The following STPG2 variants were observed in gnomAD, a reference collection of about 807,000 sequenced individuals.
STPG2 encodes sperm tail PG-rich repeat containing 2.
In STPG2, 56 loss-of-function variants were observed where a neutral mutation model predicts 54.2. That is an observed-to-expected ratio of 1.03 (90% confidence interval 0.83 to 1.29). The LOEUF is 1.29. STPG2 is among the 50% of genes most tolerant of loss of function. The pLI is 0.00. For missense variants in STPG2, 596 were observed against 544.9 expected (o/e 1.09, Z -0.93); for synonymous variants, 200 against 181.8 (o/e 1.10, Z -0.81).
chr4:97,660,913 T>C (rs1472698460), intron 10 of STPG2, among the ~76,000 whole-genome samples: 1 of 152,190 alleles, frequency 6.6e-6, no homozygotes, highest in Non-Finnish European at 1.5e-5. Context: ...TTAGCTATAT[T>C]CTAGCTAGTA....
At chr4:97,679,651 T>G (rs1413062002) in intron 10 of STPG2, among the ~76,000 whole-genome samples, 1 of 152,218 alleles carries the variant, frequency 6.6e-6, no homozygotes, top group Non-Finnish European at 1.5e-5. Context: ...TTTGTCAATT[T>G]TGGCTTTTGT....
intron 10 of STPG2, among the ~76,000 whole-genome samples, chr4:97,650,194 C>T (rs1722025426): frequency 6.6e-6 from 1 of 152,178 alleles, no homozygotes; most frequent in Admixed American, 6.5e-5. Context: ...GCTTTGCTCA[C>T]TTGCCTGCCA....
intron 8 of STPG2, among the ~76,000 whole-genome samples, chr4:97,933,870 G>T (rs1269798236): frequency 6.6e-6 from 1 of 151,986 alleles, no homozygotes; most frequent in African/African-American, 2.4e-5. Context: ...TCAATATGAA[G>T]TTTAAAGTAG....
At chr4:97,895,462 C>A (rs1290536127) in intron 8 of STPG2, among the ~76,000 whole-genome samples, 1 of 151,728 alleles carries the variant, frequency 6.6e-6, no homozygotes, top group Non-Finnish European at 1.5e-5. Flanking sequence ...CAAAATAAGT[C>A]CTTTTATAAA....
At chr4:97,991,457 GTGTA>G (rs1445591048) in intron 5 of STPG2, among the ~76,000 whole-genome samples, 19 of 142,244 alleles carry the variant, frequency 1.3e-4, no homozygotes, top group Middle Eastern at 3.3e-3. Flanking sequence ...GTGTGTGTGT[GTGTA>G]TATATATATA....
In STPG2 at chr4:97,571,355, T is replaced by C. The variant is rs1732595337; in HGVS notation, c.1321-12238A>G. Among the ~76,000 whole-genome samples the C allele has an allele frequency of 3.3e-5, 5 of 152,104 alleles. No homozygotes were observed. In the East Asian group the frequency reaches 9.7e-4, roughly 29 times the overall value. On this transcript the variant is annotated intron_variant, in intron 10 of 10. Transcript: ENST00000295268. ...CCTGACAGCCAGGGCTCTTAAAATT[T>C]AACCCAAGAGACTGTTTCAGGCCAT...
At chr4:97,445,819 A>T (rs1355749799) in intron 4 of STPG2, among the ~76,000 whole-genome samples, 1 of 152,222 alleles carries the variant, frequency 6.6e-6, no homozygotes, top group Non-Finnish European at 1.5e-5. Context: ...TCTGTTTAGA[A>T]TCTAGTTCCC....
Position 97,511,080 on chromosome 4 carries a change from A to C in STPG2, c.462+201619T>G, listed in dbSNP as rs147393857. On this transcript the variant is annotated intron_variant, in intron 4 of 4. Transcript: ENST00000522676. ...TGCCAAAGTACATGGAAGAAATAGA[A>C]AATGTATAGTAAGATTTAAACACAA... is the stretch of plus-strand genomic sequence containing the variant. Among the ~76,000 whole-genome samples, 29 of 152,266 alleles carry C rather than the reference A, an allele frequency of 1.9e-4. 1 individual carries two copies. In the East Asian group the frequency reaches 5.2e-3, roughly 27 times the overall value.
chr4:97,745,238 T>C (rs1231115844), intron 9 of STPG2, among the ~76,000 whole-genome samples: 1 of 63,520 alleles, frequency 1.6e-5, no homozygotes, highest in African/African-American at 4.8e-5. Context: ...AACCATGGCA[T>C]AAAACTAAAA....
chr4:97,498,631 T>C lies in STPG2; in HGVS notation c.462+214068A>G, dbSNP rs74734096. Among the ~76,000 whole-genome samples, 288 of 150,430 alleles carry C rather than the reference T, an allele frequency of 1.9e-3. 1 individual carries two copies. The highest frequency in any genetic ancestry group is 6.5e-3 in the African/African-American group (266 of 40,990). On this transcript the variant is annotated intron_variant, in intron 4 of 4. Transcript: ENST00000522676. ...AAAAGCAACCTGAAAAAAAAAATAA[T>C]GATCTTGAAATCTGCAACAAATAGT...
At chr4:97,711,411 C>T (rs1048532154) in intron 10 of STPG2, among the ~76,000 whole-genome samples, 1 of 152,044 alleles carries the variant, frequency 6.6e-6, no homozygotes, top group Non-Finnish European at 1.5e-5. Context: ...AGCATAGATC[C>T]TAAAACCATA....
rs1553932782 is a variant in STPG2 at position 97,486,827 on chromosome 4, GTGTA to G, written c.462+225868_462+225871del. Among the ~76,000 whole-genome samples the G allele has an allele frequency of 8.7e-3, 1,134 of 130,732 alleles. 9 individuals carry two copies. The highest frequency in any genetic ancestry group is 0.024 in the Middle Eastern group (6 of 250). The allele number at this position is 130,732 out of a possible 152,430, so 85.8% of individuals were successfully genotyped here. A position where few individuals can be genotyped will look rare whatever the true frequency, so the allele number is the denominator to read the frequency against. On this transcript the variant is annotated intron_variant, in intron 4 of 4. Coordinates refer to the STPG2 transcript ENST00000522676. The stretch of plus-strand genomic sequence containing the variant: ...GTGGTGTGTGTGTGTGTGTGTGTGT[GTGTA>G]TATATATATATATATATGTATGTAT...
chr4:97,610,593 A>G (rs1314710982), intron 10 of STPG2, among the ~76,000 whole-genome samples: 1 of 151,816 alleles, frequency 6.6e-6, no homozygotes, highest in Non-Finnish European at 1.5e-5. Context: ...TCCAAAATTA[A>G]TTCCAATCTA....
At chr4:98,046,447 T>G (rs754060688) in intron 5 of STPG2, among the ~76,000 whole-genome samples, 14 of 152,156 alleles carry the variant, frequency 9.2e-5, no homozygotes, top group Non-Finnish European at 1.6e-4. Context: ...CCCAGTCTCG[T>G]CAGACTGGCC....
intron 9 of STPG2, among the ~76,000 whole-genome samples, chr4:97,817,580 C>T (rs1727954916): frequency 6.6e-6 from 1 of 151,942 alleles, no homozygotes; most frequent in African/African-American, 2.4e-5. Flanking sequence ...ACACTGGCTG[C>T]TTCCCCATTA....
chr4:97,649,152 T>A (rs1046615368), intron 10 of STPG2, among the ~76,000 whole-genome samples: 2 of 152,172 alleles, frequency 1.3e-5, no homozygotes, highest in Admixed American at 6.5e-5. Flanking sequence ...CTGCCAGGCA[T>A]CCCGACCATT....
intron 10 of STPG2, among the ~76,000 whole-genome samples, chr4:97,622,351 A>G (rs1034698040): frequency 5.9e-5 from 9 of 152,188 alleles, no homozygotes; most frequent in Non-Finnish European, 1.2e-4. Flanking sequence ...TTGTTTACCA[A>G]TGATATGACT....
intron 10 of STPG2, among the ~76,000 whole-genome samples, chr4:97,678,015 T>C (rs1722903300): frequency 1.3e-5 from 2 of 152,072 alleles, no homozygotes; most frequent in South Asian, 4.1e-4. Context: ...TACTGTTCTT[T>C]GGGGAAAAAA....
At chr4:97,706,171 G>T (rs1371374950) in intron 10 of STPG2, among the ~76,000 whole-genome samples, 1 of 152,092 alleles carries the variant, frequency 6.6e-6, no homozygotes, top group Admixed American at 6.6e-5. Context: ...ATAAAGCATA[G>T]GAAGGGTAGC....
Sources: gnomAD v4.1 joint callset for allele counts (sites outside exome capture counted in the v4.1 genomes callset) on GRCh38, gnomAD v4.1.1 for gene constraint, MANE v1.5 for transcripts, NCBI Gene and HGNC (gene_info 2026-07-23, HGNC 2026-07-21) for gene names.